DNER: variants seen among roughly 807,000 people sequenced by gnomAD.
DNER encodes the protein delta and Notch-like epidermal growth factor-related receptor.
DNER carries 33 observed loss-of-function variants against 78.2 expected under a neutral mutation model. The observed-to-expected ratio is 0.42, with a 90% CI of 0.32 to 0.56. The LOEUF is 0.56. DNER is among the 20% of genes least tolerant of loss of function. DNER has a pLI of 0.11. For synonymous variants in DNER, 417 were observed against 384.8 expected, an observed-to-expected ratio of 1.08 and a Z score of -0.98; for missense variants, 918 against 975.3, an observed-to-expected ratio of 0.94 and a Z score of 0.78.
intron 1 of DNER, among the ~76,000 whole-genome samples, chr2:229,621,768 A>C (rs190506696): frequency 6.6e-6 from 1 of 152,216 alleles, no homozygotes; most frequent in East Asian, 1.9e-4. Flanking sequence ...AAGGCTCCCA[A>C]GGGGTCTCAG....
intron 1 of DNER, among the ~76,000 whole-genome samples, chr2:229,605,895 A>AC: frequency 6.6e-6 from 1 of 152,290 alleles, no homozygotes; most frequent in South Asian, 2.1e-4. Context: ...CTGTCTCAAA[A>AC]ACAAAGATCA....
At chr2:229,665,406 CCA>C (rs1227669456) in intron 1 of DNER, among the ~76,000 whole-genome samples, 1 of 152,050 alleles carries the variant, frequency 6.6e-6, no homozygotes, top group Non-Finnish European at 1.5e-5. Flanking sequence ...CACTCTAGCT[CCA>C]CAGAGAGCCG....
intron 7 of DNER, among the ~76,000 whole-genome samples, chr2:229,457,319 T>C (rs1035296339): frequency 6.6e-6 from 1 of 152,062 alleles, no homozygotes; most frequent in African/African-American, 2.4e-5. Flanking sequence ...AAAAAGAACA[T>C]TGAATTATGA....
chr2:229,625,916 GT>G (rs895494337), intron 1 of DNER, among the ~76,000 whole-genome samples: 110 of 147,410 alleles, frequency 7.5e-4, no homozygotes, highest in African/African-American at 2.4e-3. Context: ...TGTTGTTGTT[GT>G]TTGTTTTTTG....
At chr2:229,364,324 T>C (rs1206295720) in intron 12 of DNER, among the ~76,000 whole-genome samples, 1 of 152,090 alleles carries the variant, frequency 6.6e-6, no homozygotes, top group Non-Finnish European at 1.5e-5. Flanking sequence ...AGATCATCCA[T>C]TCATTTCAAA....
chr2:229,389,782 TC>T (rs1366591885), intron 10 of DNER, among the ~76,000 whole-genome samples: 1 of 152,258 alleles, frequency 6.6e-6, no homozygotes, highest in Non-Finnish European at 1.5e-5. Flanking sequence ...ATACCTGGCA[TC>T]TTACTATTTT....
intron 1 of DNER, among the ~76,000 whole-genome samples, chr2:229,692,033 C>T (rs940106735): frequency 1.3e-5 from 2 of 152,154 alleles, no homozygotes; most frequent in African/African-American, 4.8e-5. Flanking sequence ...GGAAAGTGGA[C>T]CCAAGAAATG....
At chr2:229,428,197 T>A (rs974054704) in intron 8 of DNER, among the ~76,000 whole-genome samples, 2 of 134,246 alleles carry the variant, frequency 1.5e-5, no homozygotes, top group African/African-American at 8.1e-5. Context: ...TTCAGAGAGA[T>A]TGCTCCAGCT....
chr2:229,452,392 C>T (rs993814201), intron 7 of DNER, among the ~76,000 whole-genome samples: 2 of 152,036 alleles, frequency 1.3e-5, no homozygotes, highest in Non-Finnish European at 2.9e-5. Context: ...AATGCAAATG[C>T]CAGCAGGACT....
chr2:229,702,644 A>G (rs4973220), intron 1 of DNER, among the ~76,000 whole-genome samples: 148,257 of 152,068 alleles, frequency 0.97, 72,395 homozygotes, highest in Middle Eastern at 1. Context: ...CTGGCCGGGC[A>G]CGGTGGCTCA....
intron 4 of DNER, among the ~76,000 whole-genome samples, chr2:229,569,871 G>A (rs1383026781): frequency 6.6e-6 from 1 of 152,172 alleles, no homozygotes; most frequent in Non-Finnish European, 1.5e-5. Context: ...ATGGATGGGT[G>A]TGAGCACGTG....
chr2:229,554,466 C>T (rs1287607232), intron 4 of DNER, among the ~76,000 whole-genome samples: 5 of 152,086 alleles, frequency 3.3e-5, no homozygotes, highest in African/African-American at 1.2e-4. Context: ...CCAAGGTGGG[C>T]AGATCACTTG....
intron 7 of DNER, among the ~76,000 whole-genome samples, chr2:229,475,606 T>C (rs1321299978): frequency 6.6e-6 from 1 of 152,198 alleles, no homozygotes; most frequent in South Asian, 2.1e-4. Context: ...GTGCCTGGTA[T>C]ACGTAAAGTG....
At chr2:229,601,293 A>G (rs1011344686) in intron 1 of DNER, among the ~76,000 whole-genome samples, 1 of 152,180 alleles carries the variant, frequency 6.6e-6, no homozygotes, top group African/African-American at 2.4e-5. Flanking sequence ...GATTTCAACT[A>G]TATTCCAACA....
chr2:229,550,240 G>A (rs1259071277), intron 4 of DNER, among the ~76,000 whole-genome samples: 7 of 151,800 alleles, frequency 4.6e-5, no homozygotes, highest in Admixed American at 1.3e-4. Flanking sequence ...TGATCCTCCC[G>A]CCTCGGCCTC....
At position 229,512,896 on chromosome 2, in the gene DNER, G is replaced by A. The variant is rs1221031422; in HGVS notation, c.1034C>T (p.Thr345Ile). The A allele has an allele frequency of 6.2e-7, 1 of 1,614,114 alleles. No individual in the cohort carries two copies. The change falls in exon 6 of 13, where the codon ACT becomes ATT. Residue 345 changes from threonine to isoleucine, a missense_variant. Coordinates refer to ENST00000341772, the MANE Select transcript of DNER (RefSeq NM_139072.4). ...GCAAGCATCGTATTCTTCACAGAAA[G>A]TACCCACGTACTGCTCCTCACAGGT... ...SCTCEEQYVG[T>I]FCEEYDACQR...
chr2:229,646,387 G>A (rs6436884), intron 1 of DNER, among the ~76,000 whole-genome samples: 148,072 of 152,344 alleles, frequency 0.97, 72,016 homozygotes, highest in Middle Eastern at 0.99. Context: ...ATATAATGTT[G>A]TATCTGTTTA....
At chr2:229,608,613 T>G (rs1197478606) in intron 1 of DNER, among the ~76,000 whole-genome samples, 1 of 152,206 alleles carries the variant, frequency 6.6e-6, no homozygotes, top group Non-Finnish European at 1.5e-5. Context: ...GAAAGGATCC[T>G]GCAGTGTCAT....
chr2:229,678,398 C>G (rs1390894141), intron 1 of DNER, among the ~76,000 whole-genome samples: 1 of 152,154 alleles, frequency 6.6e-6, no homozygotes, highest in Non-Finnish European at 1.5e-5. Context: ...AGGCAAATTG[C>G]ATCTAGAGTC....
Sources: allele counts gnomAD v4.1 joint callset (sites outside exome capture counted in the v4.1 genomes callset), GRCh38; gene constraint gnomAD v4.1.1; transcripts MANE v1.5; gene names NCBI Gene and HGNC (gene_info 2026-07-23, HGNC 2026-07-21).